The following BACH2 variants were observed in gnomAD, a reference collection of about 807,000 sequenced individuals.
BACH2 encodes the protein transcription regulator protein BACH2.
BACH2 carries 5 observed loss-of-function variants against 61.8 expected under a neutral mutation model. The ratio of observed to expected loss-of-function variants is 0.08; its 90% CI spans 0.04 to 0.17. The LOEUF (loss-of-function observed/expected upper bound fraction) is 0.17. Ranked by LOEUF, BACH2 falls within the 10% of genes least tolerant of loss-of-function variation. BACH2 has a pLI of 1.00. For missense variants in BACH2, 824 were observed against 1,091.1 expected (o/e 0.76, Z 3.45); for synonymous variants, 446 against 440.1 (o/e 1.01, Z -0.17).
chr6:89,935,315 C>G (rs1584497648), intron 8 of BACH2, among the ~76,000 whole-genome samples: 1 of 152,130 alleles, frequency 6.6e-6, no homozygotes, highest in Non-Finnish European at 1.5e-5. Flanking sequence ...TGGAGCTCTC[C>G]CCTTTTAGTA....
intron 6 of BACH2, among the ~76,000 whole-genome samples, chr6:89,968,134 T>G (rs77872013): frequency 0.16 from 24,025 of 152,164 alleles, 1,977 homozygotes; most frequent in South Asian, 0.19. Flanking sequence ...AATTCCAACA[T>G]ATGAAAACTG....
intron 2 of BACH2, among the ~76,000 whole-genome samples, chr6:90,263,509 T>C (rs554246056): frequency 1.3e-5 from 2 of 152,332 alleles, no homozygotes; most frequent in Admixed American, 6.5e-5. Flanking sequence ...CTATAAGCTA[T>C]TGGTATCAAG....
rs565907922 is a variant in BACH2, at chr6:89,949,340, G to A, written c.1836+930C>T. On this transcript the variant is annotated intron_variant, in intron 7 of 8. Coordinates refer to ENST00000257749, the MANE Select transcript of BACH2 (RefSeq NM_021813.4). ...GAGACACAGGTAGCAGTCTCAAGCTGGTACCTTGTCAATCAGCAAGACAGT... is the reference window on the plus strand; with the variant it reads ...GAGACACAGGTAGCAGTCTCAAGCTAGTACCTTGTCAATCAGCAAGACAGT... Among the ~76,000 whole-genome samples, 3 of 152,176 alleles carry A rather than the reference G, an allele frequency of 2.0e-5. No homozygotes were observed. In the South Asian group the frequency reaches 6.2e-4, roughly 32 times the overall value.
At chr6:90,240,108 G>A (rs1770395358) in intron 3 of BACH2, among the ~76,000 whole-genome samples, 1 of 152,000 alleles carries the variant, frequency 6.6e-6, no homozygotes, top group South Asian at 2.1e-4. Context: ...CATCTTACAA[G>A]TAACAGGTAT....
chr6:90,214,325 A>G (rs1769455133), intron 3 of BACH2, among the ~76,000 whole-genome samples: 1 of 146,136 alleles, frequency 6.8e-6, no homozygotes, highest in African/African-American at 2.5e-5. Context: ...GACCCCTCCA[A>G]ATAATTTCAA....
At chr6:90,129,349 A>T (rs1784001189) in intron 4 of BACH2, among the ~76,000 whole-genome samples, 1 of 152,146 alleles carries the variant, frequency 6.6e-6, no homozygotes, top group Non-Finnish European at 1.5e-5. Context: ...CTTCTAAAAA[A>T]ACGGGGTACA....
At chr6:90,092,295 T>A (rs62408199) in intron 4 of BACH2, among the ~76,000 whole-genome samples, 6,927 of 85,330 alleles carry the variant, frequency 0.081, 269 homozygotes, top group Non-Finnish European at 0.085. Context: ...AAAAAAAATA[T>A]ATATATATAT....
intron 1 of BACH2, among the ~76,000 whole-genome samples, chr6:90,291,935 C>T (rs550599696): frequency 1.3e-5 from 2 of 152,144 alleles, no homozygotes; most frequent in South Asian, 2.1e-4. Flanking sequence ...GGTCATATGT[C>T]GCTGAAACTT....
At chr6:90,103,661 G>T (rs1308021251) in intron 4 of BACH2, among the ~76,000 whole-genome samples, 3 of 152,104 alleles carry the variant, frequency 2.0e-5, no homozygotes, top group Non-Finnish European at 4.4e-5. Flanking sequence ...GCTTTTTAAA[G>T]TACTTCCTTG....
In BACH2 at chr6:89,951,689, G is replaced by T; in HGVS notation, c.417C>A (p.Gly139=). Residue 139 remains glycine (G), a synonymous_variant, in exon 7 of 9, where the codon GGC becomes GGA. Coordinates refer to ENST00000257749, the MANE Select transcript of BACH2 (RefSeq NM_021813.4). The surrounding 1 kb of genome is among the most constrained non-coding windows in gnomAD (Gnocchi z 6.4). ...CAGCATCCTTCCGGCACACAAACAG[G>T]CCATCCTCACTGTTCAGGAGCTGGG... is the stretch of plus-strand genomic sequence containing the variant. The part of the protein sequence containing the change: ...LQTQLLNSED[G]LFVCRKDAAC... 6.2e-7 allele frequency: 1 copy of T among 1,614,200 alleles called. No individual in the cohort carries two copies. The highest frequency in any genetic ancestry group is 8.5e-7 in the Non-Finnish European group (1 of 1,180,040).
At chr6:90,215,718 A>G (rs1769512188) in intron 3 of BACH2, among the ~76,000 whole-genome samples, 1 of 152,188 alleles carries the variant, frequency 6.6e-6, no homozygotes, top group Non-Finnish European at 1.5e-5. Context: ...CATTTAGGCT[A>G]CAACTAGAAT....
At chr6:90,250,506 A>C (rs2127869900) in intron 3 of BACH2, among the ~76,000 whole-genome samples, 1 of 152,306 alleles carries the variant, frequency 6.6e-6, no homozygotes, top group African/African-American at 2.4e-5. Flanking sequence ...TCATTCATTC[A>C]TTCATTCATT....
chr6:90,098,848 C>A (rs1344149355), intron 4 of BACH2, among the ~76,000 whole-genome samples: 1 of 152,156 alleles, frequency 6.6e-6, no homozygotes, highest in Non-Finnish European at 1.5e-5. Context: ...TCTGGTCCAA[C>A]TGACTGTCAA....
At chr6:90,009,521 G>A (rs1164478864) in intron 5 of BACH2, among the ~76,000 whole-genome samples, 4 of 152,212 alleles carry the variant, frequency 2.6e-5, no homozygotes, top group African/African-American at 9.7e-5. Flanking sequence ...GAATTGTGCT[G>A]TCGTTATCCC....
At chr6:89,997,141 T>C (rs1454249342) in intron 6 of BACH2, among the ~76,000 whole-genome samples, 2 of 152,192 alleles carry the variant, frequency 1.3e-5, no homozygotes. Flanking sequence ...CCCTCCTGTA[T>C]AGTTGGGATG....
chr6:90,178,748 C>T (rs1379230479), intron 4 of BACH2, among the ~76,000 whole-genome samples: 1 of 152,172 alleles, frequency 6.6e-6, no homozygotes, highest in African/African-American at 2.4e-5. Flanking sequence ...AGGAGCTGTG[C>T]TGCATCAATA....
intron 5 of BACH2, among the ~76,000 whole-genome samples, chr6:90,044,878 G>A (rs1294902344): frequency 6.6e-6 from 1 of 152,172 alleles, no homozygotes; most frequent in Non-Finnish European, 1.5e-5. Context: ...ACAAGTGTTG[G>A]TTTTGGATAT....
intron 5 of BACH2, among the ~76,000 whole-genome samples, chr6:90,030,346 TG>T (rs1301288774): frequency 2.0e-5 from 3 of 152,162 alleles, no homozygotes; most frequent in African/African-American, 7.2e-5. Flanking sequence ...GACGTGGCTC[TG>T]GAAGGCCTGG....
chr6:90,127,828 G>C (rs910976799), intron 4 of BACH2, among the ~76,000 whole-genome samples: 1 of 152,180 alleles, frequency 6.6e-6, no homozygotes, highest in African/African-American at 2.4e-5. Flanking sequence ...GAGAAGTCAC[G>C]GGACTTGAAA....
Sources: allele counts gnomAD v4.1 joint callset (sites outside exome capture counted in the v4.1 genomes callset), GRCh38; gene constraint gnomAD v4.1.1; non-coding constraint Gnocchi (gnomAD v3.1); transcripts MANE v1.5; gene names NCBI Gene and HGNC (gene_info 2026-07-23, HGNC 2026-07-21).